PIK3C2A: variants seen among roughly 807,000 people sequenced by gnomAD.
PIK3C2A encodes the protein phosphatidylinositol-4-phosphate 3-kinase catalytic subunit type 2 alpha, also known as phosphatidylinositol 4-phosphate 3-kinase C2 domain-containing subunit alpha.
Under a neutral mutation model 204.5 loss-of-function variants are expected in PIK3C2A, and 97 were observed. That is an observed-to-expected ratio of 0.47 (90% CI 0.40 to 0.56). The LOEUF (loss-of-function observed/expected upper bound fraction) is 0.56, where lower values mean the gene tolerates loss of function less well. Ranked by LOEUF, PIK3C2A falls within the 20% of genes least tolerant of loss-of-function variation. The pLI is 0.00. For missense variants in PIK3C2A, 1,735 were observed against 1,969.2 expected (o/e 0.88, Z 2.25); for synonymous variants, 653 against 664.4 (o/e 0.98, Z 0.26).
intron 25 of PIK3C2A, among the ~76,000 whole-genome samples, chr11:17,100,435 T>C (rs1848593210): frequency 6.6e-6 from 1 of 152,110 alleles, no homozygotes; most frequent in Non-Finnish European, 1.5e-5. Flanking sequence ...TTGGCCAGGC[T>C]GGTCTCGAAC....
At chr11:17,179,714 C>T (rs1851468833) in intron 1 of PIK3C2A, among the ~76,000 whole-genome samples, 1 of 152,098 alleles carries the variant, frequency 6.6e-6, no homozygotes, top group Non-Finnish European at 1.5e-5. Context: ...CTCCTAGAGG[C>T]TCAAGGGATC....
At chr11:17,186,949 C>T (rs1339462372) in intron 1 of PIK3C2A, among the ~76,000 whole-genome samples, 1 of 152,182 alleles carries the variant, frequency 6.6e-6, no homozygotes, top group African/African-American at 2.4e-5. Context: ...TGTGGTGGTT[C>T]GGGCCTGTAG....
At chr11:17,122,018 T>C (rs1849381695) in intron 15 of PIK3C2A, among the ~76,000 whole-genome samples, 170 bp downstream of exon 15, 1 of 150,566 alleles carries the variant, frequency 6.6e-6, no homozygotes, top group Admixed American at 6.6e-5. Flanking sequence ...ACAAAAGTTT[T>C]GTAGATTATT....
chr11:17,183,100 T>C (rs913955650), intron 1 of PIK3C2A, among the ~76,000 whole-genome samples: 1 of 152,172 alleles, frequency 6.6e-6, no homozygotes, highest in African/African-American at 2.4e-5. Flanking sequence ...TGCCTTGGCT[T>C]CCCAAAGTGC....
intron 1 of PIK3C2A, among the ~76,000 whole-genome samples, chr11:17,204,069 G>A (rs928207005): frequency 6.7e-6 from 1 of 149,294 alleles, no homozygotes; most frequent in East Asian, 2.0e-4. Flanking sequence ...GCGAGACTCC[G>A]TCTCAAAGAA....
intron 1 of PIK3C2A, among the ~76,000 whole-genome samples, chr11:17,180,993 G>A (rs1851529942): frequency 6.6e-6 from 1 of 152,184 alleles, no homozygotes; most frequent in African/African-American, 2.4e-5. Context: ...CAGCCAAATG[G>A]AAGAGTTTAC....
intron 27 of PIK3C2A, among the ~76,000 whole-genome samples, chr11:17,096,330 G>A (rs1267760803): frequency 2.0e-5 from 3 of 152,116 alleles, no homozygotes; most frequent in Admixed American, 2.0e-4. Flanking sequence ...GAGCCACTGC[G>A]CCCGGCCTAT....
intron 8 of PIK3C2A, among the ~76,000 whole-genome samples, chr11:17,140,700 T>C (rs967907873): frequency 1.1e-4 from 16 of 151,932 alleles, no homozygotes; most frequent in Non-Finnish European, 2.9e-5. Context: ...TTTTTGGGAG[T>C]GATGAGAATG....
intron 1 of PIK3C2A, among the ~76,000 whole-genome samples, chr11:17,203,239 T>C (rs1852448865): frequency 6.6e-6 from 1 of 151,704 alleles, no homozygotes; most frequent in Non-Finnish European, 1.5e-5. Flanking sequence ...ATGCCTGTAA[T>C]CCCAGCAGTT....
intron 8 of PIK3C2A, among the ~76,000 whole-genome samples, chr11:17,143,123 A>T (rs1432912525): frequency 6.6e-6 from 1 of 152,096 alleles, no homozygotes; most frequent in African/African-American, 2.4e-5. Flanking sequence ...AGTAAACTCC[A>T]GCTTACCAGA....
At chr11:17,205,824 T>C (rs1346506887) in intron 1 of PIK3C2A, among the ~76,000 whole-genome samples, 1 of 152,182 alleles carries the variant, frequency 6.6e-6, no homozygotes, top group African/African-American at 2.4e-5. Context: ...TTGTATTCTA[T>C]AAAACAGAAA....
Position 17,091,655 on chromosome 11 carries a change from A to G in PIK3C2A, c.4644T>C (p.Asp1548=). Residue 1548 remains aspartate (D), a splice_region_variant and synonymous_variant, in exon 31 of 33, where the codon GAT becomes GAC. Coordinates refer to ENST00000691414, the MANE Select transcript of PIK3C2A (RefSeq NM_002645.4). ...EKAEGIARSA[D]AGSFSPTPGQ... Reference sequence around the variant, plus strand: ...CTGGAGTAGGACTGAAGGAACCTGCATCTGAAAATACAAATATTTTCATCT... The same window carrying G: ...CTGGAGTAGGACTGAAGGAACCTGCGTCTGAAAATACAAATATTTTCATCT... 6.4e-7 allele frequency: 1 copy of G among 1,551,850 alleles called. No homozygotes were observed. The highest frequency in any genetic ancestry group is 8.8e-7 in the Non-Finnish European group (1 of 1,130,888).
At chr11:17,191,098 G>A (rs890135279) in intron 1 of PIK3C2A, among the ~76,000 whole-genome samples, 2 of 152,212 alleles carry the variant, frequency 1.3e-5, no homozygotes, top group East Asian at 1.9e-4. Context: ...AATACATGGA[G>A]TTAGGATCAA....
At chr11:17,186,355 C>T (rs1851750334) in intron 1 of PIK3C2A, among the ~76,000 whole-genome samples, 1 of 152,044 alleles carries the variant, frequency 6.6e-6, no homozygotes, top group Non-Finnish European at 1.5e-5. Flanking sequence ...TTATTGCCTG[C>T]ATTTCCCCCT....
intron 13 of PIK3C2A, among the ~76,000 whole-genome samples, chr11:17,125,584 C>T (rs1849496004): frequency 1.3e-5 from 2 of 151,906 alleles, no homozygotes; most frequent in South Asian, 2.1e-4. Flanking sequence ...TGCAATTTCG[C>T]CTCACTGCAA....
intron 2 of PIK3C2A, among the ~76,000 whole-genome samples, chr11:17,158,418 CTTAT>C (rs1346802831): frequency 6.7e-6 from 1 of 149,916 alleles, no homozygotes; most frequent in Admixed American, 6.7e-5. Flanking sequence ...CATTTATATA[CTTAT>C]TTATCAAAAA....
At chr11:17,184,945 ATTTT>A (rs931220131) in intron 1 of PIK3C2A, among the ~76,000 whole-genome samples, 2 of 149,464 alleles carry the variant, frequency 1.3e-5, no homozygotes, top group South Asian at 2.1e-4. Context: ...TCTAAAAAAG[ATTTT>A]TTTTTTTAAT....
At position 17,138,111 on chromosome 11, in the gene PIK3C2A, ATGTTTTT is replaced by A. The variant is rs1849935329; in HGVS notation, c.1705-1493_1705-1487del. On this transcript the variant is annotated intron_variant, in intron 8 of 32. Coordinates refer to ENST00000691414, the MANE Select transcript of PIK3C2A (RefSeq NM_002645.4). The stretch of plus-strand genomic sequence containing the variant: ...TGGAATCACCATAGGCCCTGCTGAC[ATGTTTTT>A]TGTTTTGGACAATCTCATAAGGGCT... The A allele has an allele frequency of 1.5e-5, 11 of 741,980 alleles. 1 individual carries two copies. The highest frequency in any genetic ancestry group is 1.5e-4 in the South Asian group (11 of 74,690). The allele number at this position is 741,980 out of a possible 1,614,324, so 46.0% of individuals were successfully genotyped here. A position where few individuals can be genotyped will look rare whatever the true frequency, so the allele number is the denominator to read the frequency against.
At chr11:17,132,827 T>C (rs1431521171) in intron 11 of PIK3C2A, among the ~76,000 whole-genome samples, 3 of 152,200 alleles carry the variant, frequency 2.0e-5, no homozygotes, top group Non-Finnish European at 4.4e-5. Context: ...TCCTAGTCTA[T>C]TGGGAGTCTT....
Sources: allele counts gnomAD v4.1 joint callset (sites outside exome capture counted in the v4.1 genomes callset), GRCh38; gene constraint gnomAD v4.1.1; transcripts MANE v1.5; gene names NCBI Gene and HGNC (gene_info 2026-07-23, HGNC 2026-07-21).